Variants in SNX9 observed in about 807,000 individuals in gnomAD.
The protein encoded by SNX9 is sorting nexin 9, also known as sorting nexin-9.
In SNX9, 44 loss-of-function variants were observed where a neutral mutation model predicts 89.4. That is an observed-to-expected ratio of 0.49 (90% CI 0.39 to 0.63). The LOEUF is 0.63. Ranked by LOEUF, SNX9 falls within the 30% of genes least tolerant of loss-of-function variation. The probability of loss-of-function intolerance (pLI) is 0.00; values close to 1 mark genes in which losing one functional copy is unlikely to be tolerated. For missense variants in SNX9, 578 were observed against 736.1 expected (o/e 0.79, Z 2.49); for synonymous variants, 236 against 247.8 (o/e 0.95, Z 0.45).
intron 10 of SNX9, among the ~76,000 whole-genome samples, chr6:157,923,312 G>A (rs1056607213): frequency 3.3e-5 from 5 of 151,936 alleles, no homozygotes; most frequent in Admixed American, 6.6e-5. Context: ...GTAAATAAAT[G>A]GTAGACACAG....
chr6:157,928,908 T>C (rs1783751745), intron 12 of SNX9, among the ~76,000 whole-genome samples: 1 of 152,174 alleles, frequency 6.6e-6, no homozygotes, highest in Non-Finnish European at 1.5e-5. Context: ...TTAAGAAATC[T>C]CATAGGGAAC....
intron 4 of SNX9, among the ~76,000 whole-genome samples, chr6:157,883,055 G>GC (rs1271411971): frequency 6.6e-6 from 1 of 152,048 alleles, no homozygotes; most frequent in African/African-American, 2.4e-5. Flanking sequence ...TTAAGAAGTT[G>GC]CCACAGCCAC....
chr6:157,883,802 T>A (rs1241429489), intron 4 of SNX9, among the ~76,000 whole-genome samples: 1 of 152,216 alleles, frequency 6.6e-6, no homozygotes, highest in Non-Finnish European at 1.5e-5. Flanking sequence ...AAACCTTTTG[T>A]TTTCTGTTTT....
chr6:157,918,446 A>G (rs1355919124), intron 9 of SNX9, among the ~76,000 whole-genome samples: 1 of 152,076 alleles, frequency 6.6e-6, no homozygotes, highest in Admixed American at 6.5e-5. Flanking sequence ...TACTGTTTGT[A>G]TGGTATATCT....
chr6:157,880,396 C>T (rs1312961056), intron 4 of SNX9, among the ~76,000 whole-genome samples: 1 of 152,182 alleles, frequency 6.6e-6, no homozygotes, highest in Non-Finnish European at 1.5e-5. Flanking sequence ...CCTCTCTAAT[C>T]GTGTAGATTC....
intron 9 of SNX9, among the ~76,000 whole-genome samples, chr6:157,920,727 G>A (rs35272783): frequency 0.096 from 14,658 of 152,242 alleles, 755 homozygotes; most frequent in African/African-American, 0.12. Flanking sequence ...GCCATAGCTG[G>A]AACTTCTACC....
intron 2 of SNX9, among the ~76,000 whole-genome samples, chr6:157,869,801 C>A (rs1272297097): frequency 6.6e-6 from 1 of 152,034 alleles, no homozygotes; most frequent in East Asian, 1.9e-4. Context: ...GGCACACACA[C>A]GTGCACCCAT....
intron 1 of SNX9, among the ~76,000 whole-genome samples, chr6:157,839,679 C>T (rs781249342): frequency 3.9e-5 from 6 of 152,190 alleles, no homozygotes; most frequent in African/African-American, 1.2e-4. Context: ...CCCAGGCCAC[C>T]GCCTCTTGCC....
intron 1 of SNX9, among the ~76,000 whole-genome samples, chr6:157,834,295 G>A (rs536874906): frequency 2.7e-5 from 4 of 149,128 alleles, no homozygotes; most frequent in Non-Finnish European, 4.4e-5. Context: ...AACATCCTGA[G>A]TAAGCTGACA....
Position 157,909,788 on chromosome 6 carries a change from A to T in SNX9, c.829A>T (p.Thr277Ser). ...KSYIEYQLTP[T>S]NTNRSVNHRY... ...CTACATCGAATATCAGCTAACACCT[A>T]CTGTAAGTATCCACGTTATCAAAAG... Residue 277 changes from threonine to serine, a missense_variant and splice_region_variant, in exon 8 of 18, where the codon ACT becomes TCT. Thr to Ser is a moderately conservative substitution (Grantham distance 58, BLOSUM62 1). Coordinates refer to ENST00000392185, the MANE Select transcript of SNX9 (RefSeq NM_016224.5). 1 of 1,613,970 alleles carries T rather than the reference A, an allele frequency of 6.2e-7. No individual in the cohort carries two copies. Among genetic ancestry groups the T allele is most frequent in the Non-Finnish European group, 8.5e-7 (1 of 1,179,974 alleles).
intron 4 of SNX9, among the ~76,000 whole-genome samples, chr6:157,880,826 C>T (rs1446737717): frequency 6.6e-6 from 1 of 152,208 alleles, no homozygotes; most frequent in Non-Finnish European, 1.5e-5. Context: ...TCCCAGATCT[C>T]ACACATCCTA....
intron 9 of SNX9, among the ~76,000 whole-genome samples, chr6:157,914,520 A>G (rs1156514985): frequency 8.8e-6 from 1 of 113,584 alleles, no homozygotes; most frequent in Non-Finnish European, 1.6e-5. Flanking sequence ...GTCGTCGCCC[A>G]GGCTGGAGTG....
rs1228313253 is a variant in SNX9, at chr6:157,943,358, C to G, written c.*520C>G. The stretch of plus-strand genomic sequence containing the variant: ...CTGTCATTGAGGGAAGTCGTTACGC[C>G]TTTCACTGCCACAGTTACAGCTCAA... On this transcript the variant is annotated 3_prime_UTR_variant, in exon 18 of 18. Transcript: ENST00000392185. The G allele has an allele frequency of 6.6e-6, 1 of 152,336 alleles. No homozygotes were observed. The highest frequency in any genetic ancestry group is 1.5e-5 in the Non-Finnish European group (1 of 68,122). 9.4% of individuals were successfully genotyped at this position (152,336 alleles called of 1,614,324 possible).
chr6:157,893,608 TTGTG>T (rs3047741), intron 4 of SNX9, among the ~76,000 whole-genome samples: 46 of 148,860 alleles, frequency 3.1e-4, no homozygotes, highest in African/African-American at 6.2e-4. Flanking sequence ...CTAGCACCAT[TTGTG>T]TGTGTGTGTG....
At chr6:157,833,055 T>G (rs1325253536) in intron 1 of SNX9, among the ~76,000 whole-genome samples, 1 of 152,206 alleles carries the variant, frequency 6.6e-6, no homozygotes, top group Non-Finnish European at 1.5e-5. Context: ...ATTTGGATCC[T>G]CCCTAGGACA....
At chr6:157,858,890 T>G (rs1782065559) in intron 1 of SNX9, among the ~76,000 whole-genome samples, 1 of 152,182 alleles carries the variant, frequency 6.6e-6, no homozygotes, top group South Asian at 2.1e-4. Flanking sequence ...ACCCCCATGA[T>G]TCAGTTATCT....
intron 1 of SNX9, among the ~76,000 whole-genome samples, chr6:157,858,939 A>AT (rs1169094786): frequency 6.6e-6 from 1 of 152,196 alleles, no homozygotes; most frequent in Non-Finnish European, 1.5e-5. Context: ...GATTATTACA[A>AT]TTCAGGGTGA....
chr6:157,870,188 T>C (rs1782367091), intron 2 of SNX9, among the ~76,000 whole-genome samples: 1 of 150,626 alleles, frequency 6.6e-6, no homozygotes, highest in African/African-American at 2.5e-5. Context: ...ACACTCATGC[T>C]CTCACACATA....
At chr6:157,936,546 A>T (rs1056841596) in intron 14 of SNX9, among the ~76,000 whole-genome samples, 3 of 152,212 alleles carry the variant, frequency 2.0e-5, no homozygotes, top group African/African-American at 7.2e-5. Context: ...GCACTCCAGT[A>T]TTGATGCCTC....
Sources: gnomAD v4.1 joint callset for allele counts (sites outside exome capture counted in the v4.1 genomes callset) on GRCh38, gnomAD v4.1.1 for gene constraint, MANE v1.5 for transcripts, NCBI Gene and HGNC (gene_info 2026-07-23, HGNC 2026-07-21) for gene names.